Variants in BBX observed in about 807,000 individuals in gnomAD.
BBX encodes HMG box transcription factor BBX.
Under a neutral mutation model 100.2 loss-of-function variants are expected in BBX, and 30 were observed. The ratio of observed to expected loss-of-function variants is 0.30; its 90% CI spans 0.22 to 0.41. The LOEUF is 0.41. Among genes scored for constraint, BBX ranks in the 10% least tolerant of loss-of-function variants. BBX has a pLI of 1.00. For missense variants in BBX, 1,023 were observed against 1,129.8 expected (o/e 0.91, Z 1.35); for synonymous variants, 376 against 388.1 (o/e 0.97, Z 0.37).
intron 2 of BBX, among the ~76,000 whole-genome samples, chr3:107,622,082 C>T (rs1316962131): frequency 6.6e-6 from 1 of 152,040 alleles, no homozygotes; most frequent in Admixed American, 6.6e-5. Flanking sequence ...TTATGTTTTT[C>T]ATTTGTAGTC....
At chr3:107,564,382 A>T (rs1289067704) in intron 2 of BBX, among the ~76,000 whole-genome samples, 1 of 152,134 alleles carries the variant, frequency 6.6e-6, no homozygotes, top group Non-Finnish European at 1.5e-5. Flanking sequence ...TCTCATGGGG[A>T]TGTTGACAGT....
intron 3 of BBX, among the ~76,000 whole-genome samples, chr3:107,664,861 T>C (rs2058658572): frequency 1.3e-5 from 2 of 152,214 alleles, no homozygotes. Flanking sequence ...CAACCCATCT[T>C]TTGTTCTGTA....
chr3:107,806,829 C>CA lies in BBX; in HGVS notation c.*1375dup, dbSNP rs2071094386. 6.6e-6 allele frequency: 1 copy of CA among 152,148 alleles called. No individual in the cohort carries two copies. The highest frequency in any genetic ancestry group is 6.5e-5 in the Admixed American group (1 of 15,268). 9.4% of individuals were successfully genotyped at this position (152,148 alleles called of 1,614,324 possible). On this transcript the variant is annotated 3_prime_UTR_variant, in exon 18 of 18. Transcript: ENST00000325805. Reference sequence around the variant, plus strand: ...TTTACAGGGTATTTGTTCTATAGCACAAAGTATTTCCCCACTCTTGCGTCA... The same window carrying CA: ...TTTACAGGGTATTTGTTCTATAGCACAAAAGTATTTCCCCACTCTTGCGTCA...
intron 10 of BBX, among the ~76,000 whole-genome samples, chr3:107,771,267 C>G (rs2066888330): frequency 6.6e-6 from 1 of 152,020 alleles, no homozygotes; most frequent in Non-Finnish European, 1.5e-5. Flanking sequence ...AAATGAAAAC[C>G]CAGGCACTGA....
chr3:107,789,886 C>T lies in BBX; in HGVS notation c.2293+10C>T. 1 of 1,534,732 alleles carries T rather than the reference C, an allele frequency of 6.5e-7. No homozygotes were observed. Among genetic ancestry groups the T allele is most frequent in the East Asian group, 2.4e-5 (1 of 40,822 alleles). On this transcript the variant is annotated intron_variant, in intron 14 of 17. Coordinates refer to ENST00000325805, the MANE Select transcript of BBX (RefSeq NM_001142568.3). ...AATGTTCCGGAAAAAGGTATTGGTG[C>T]CCTCCATCCTCCATGAAGGGTTCTT...
At chr3:107,691,317 T>C (rs1317152000) in intron 3 of BBX, among the ~76,000 whole-genome samples, 1 of 152,190 alleles carries the variant, frequency 6.6e-6, no homozygotes, top group East Asian at 1.9e-4. Context: ...TGTAAATAAA[T>C]GTCATCAATT....
At chr3:107,608,620 G>T (rs930299741) in intron 2 of BBX, among the ~76,000 whole-genome samples, 5 of 152,048 alleles carry the variant, frequency 3.3e-5, no homozygotes, top group African/African-American at 1.2e-4. Flanking sequence ...GCTATTTTGA[G>T]AGGGATTATA....
chr3:107,599,143 G>A (rs1037578413), intron 2 of BBX, among the ~76,000 whole-genome samples: 5 of 152,202 alleles, frequency 3.3e-5, no homozygotes, highest in African/African-American at 1.2e-4. Context: ...GATTGACAGA[G>A]ATTCATACAA....
At chr3:107,770,200 T>C (rs1213035243) in intron 10 of BBX, among the ~76,000 whole-genome samples, 1 of 152,206 alleles carries the variant, frequency 6.6e-6, no homozygotes, top group Non-Finnish European at 1.5e-5. Flanking sequence ...TTTTGAAATA[T>C]ATTGAAGCCT....
At chr3:107,744,396 T>C (rs2064395703) in intron 7 of BBX, among the ~76,000 whole-genome samples, 1 of 152,106 alleles carries the variant, frequency 6.6e-6, no homozygotes, top group Non-Finnish European at 1.5e-5. Context: ...TCCTATGACT[T>C]TTGAATAACA....
At chr3:107,558,543 C>T (rs980851529) in intron 2 of BBX, among the ~76,000 whole-genome samples, 9 of 152,060 alleles carry the variant, frequency 5.9e-5, no homozygotes, top group African/African-American at 2.2e-4. Context: ...CAGGTATGGG[C>T]TGTCAGGGGC....
chr3:107,794,990 T>A (rs1412140472), intron 15 of BBX, among the ~76,000 whole-genome samples: 1 of 152,240 alleles, frequency 6.6e-6, no homozygotes, highest in Non-Finnish European at 1.5e-5. Flanking sequence ...TTATGGTTAT[T>A]GTTTGGGTGT....
chr3:107,719,524 C>G (rs2062370475), intron 5 of BBX, among the ~76,000 whole-genome samples: 1 of 151,938 alleles, frequency 6.6e-6, no homozygotes, highest in South Asian at 2.1e-4. Context: ...AGCACCTGTT[C>G]TGGGATTTGT....
At chr3:107,797,541 G>A (rs77671286) in intron 15 of BBX, among the ~76,000 whole-genome samples, 2,603 of 151,222 alleles carry the variant, frequency 0.017, 64 homozygotes, top group African/African-American at 0.059. Flanking sequence ...ATCTTTTCCC[G>A]GCTTAAAAGC....
chr3:107,661,808 C>A, intron 3 of BBX: 1 of 867,606 alleles, frequency 1.2e-6, no homozygotes, highest in Non-Finnish European at 1.4e-6. Context: ...TCTCTGGTCT[C>A]TGTGTTTTTC....
At chr3:107,675,026 C>T (rs951854751) in intron 3 of BBX, among the ~76,000 whole-genome samples, 7 of 152,088 alleles carry the variant, frequency 4.6e-5, no homozygotes, top group Middle Eastern at 3.2e-3. Flanking sequence ...TTTATGTGTG[C>T]ATTTATTATG....
chr3:107,652,306 T>C (rs866540394), intron 3 of BBX, among the ~76,000 whole-genome samples: 89 of 151,810 alleles, frequency 5.9e-4, no homozygotes, highest in African/African-American at 1.9e-3. Context: ...AAAAATGTAA[T>C]CAAAAAAGGA....
rs971689400 is a variant in BBX, at chr3:107,808,318, A to G, written c.*2861A>G. The G allele has an allele frequency of 2.0e-5, 3 of 152,166 alleles. No individual in the cohort carries two copies. The highest frequency in any genetic ancestry group is 6.5e-5 in the Admixed American group (1 of 15,274). 9.4% of individuals were successfully genotyped at this position (152,166 alleles called of 1,614,324 possible). A position where few individuals can be genotyped will look rare whatever the true frequency, so the allele number is the denominator to read the frequency against. On this transcript the variant is annotated 3_prime_UTR_variant, in exon 18 of 18. Transcript: ENST00000325805. ...TTGTTTTATTCTAAATTGTTGTATC[A>G]TATCTTTCTGAAACCATTCTGAATT...
intron 3 of BBX, among the ~76,000 whole-genome samples, chr3:107,709,866 G>T (rs545635163): frequency 6.6e-6 from 1 of 152,176 alleles, no homozygotes; most frequent in East Asian, 1.9e-4. Context: ...GCCATTGCTT[G>T]GCCATTTCTT....
Sources: allele counts gnomAD v4.1 joint callset (sites outside exome capture counted in the v4.1 genomes callset), GRCh38; gene constraint gnomAD v4.1.1; transcripts MANE v1.5; gene names NCBI Gene and HGNC (gene_info 2026-07-23, HGNC 2026-07-21).